Variants in UBR1 observed in about 807,000 individuals in gnomAD.
The protein encoded by UBR1 is ubiquitin protein ligase E3 component n-recognin 1.
Under a neutral mutation model 242.1 loss-of-function variants are expected in UBR1, and 102 were observed. The observed-to-expected ratio is 0.42, with a 90% CI of 0.36 to 0.50. UBR1 has a LOEUF of 0.50. UBR1 is among the 20% of genes least tolerant of loss of function. UBR1 has a pLI of 0.01. For synonymous variants in UBR1, 675 were observed against 684.8 expected (o/e 0.99, Z 0.22); for missense variants, 1,772 against 2,101.8 (o/e 0.84, Z 3.07).
At chr15:43,035,526 A>G (rs1311093017) in intron 19 of UBR1, among the ~76,000 whole-genome samples, 2 of 150,704 alleles carry the variant, frequency 1.3e-5, no homozygotes, top group Admixed American at 6.6e-5. Context: ...TCTGGATATT[A>G]GCCCTTTGTC....
In UBR1 at chr15:43,036,577, T is replaced by G. The variant is rs377090547; in HGVS notation, c.2039A>C (p.Asp680Ala). ...SLISQVFYYQDVKCREEMYDK... is the reference protein window; with the variant it reads ...SLISQVFYYQAVKCREEMYDK... ...ATACATTTCTTCTCTGCACTTAACA[T>G]CTTGGTAATAAAACACCTATAAGGT... The change falls in exon 18 of 47, where the codon GAT becomes GCT. Residue 680 changes from aspartate to alanine, a missense_variant. This residue lies in a region of UBR1 where 734 missense variants were observed against 893.3 expected (regional missense o/e 0.82). Coordinates refer to ENST00000290650, the MANE Select transcript of UBR1 (RefSeq NM_174916.3). The G allele has an allele frequency of 2.0e-5, 32 of 1,591,522 alleles. No individual in the cohort carries two copies. The highest frequency in any genetic ancestry group is 2.8e-5 in the Non-Finnish European group (32 of 1,159,872).
chr15:42,990,667 G>A (rs1027118715), intron 33 of UBR1, among the ~76,000 whole-genome samples: 4 of 152,090 alleles, frequency 2.6e-5, no homozygotes, highest in African/African-American at 9.7e-5. Context: ...CCTGCATCTT[G>A]CCTTTGCACC....
chr15:43,017,670 C>T (rs1377358917), intron 27 of UBR1, among the ~76,000 whole-genome samples: 3 of 151,634 alleles, frequency 2.0e-5, no homozygotes, highest in South Asian at 2.1e-4. Context: ...ATTAGCTGGG[C>T]GTGGTGACCC....
At chr15:42,974,037 C>T (rs1047242233) in intron 39 of UBR1, among the ~76,000 whole-genome samples, 16 of 151,660 alleles carry the variant, frequency 1.1e-4, no homozygotes, top group African/African-American at 2.9e-4. Flanking sequence ...TACAGGCACC[C>T]GCCACCACGC....
chr15:43,067,015 G>T (rs2033761328), intron 6 of UBR1, among the ~76,000 whole-genome samples: 1 of 152,148 alleles, frequency 6.6e-6, no homozygotes, highest in African/African-American at 2.4e-5. Context: ...TACTCAGAAT[G>T]GGTTACTGGT....
intron 3 of UBR1, among the ~76,000 whole-genome samples, chr15:43,076,126 C>T (rs1278756314): frequency 6.6e-6 from 1 of 150,830 alleles, no homozygotes; most frequent in Non-Finnish European, 1.5e-5. Flanking sequence ...AGGCGCGCGC[C>T]GCCACGCCTG....
intron 23 of UBR1, 160 bp from the exon 24 acceptor site, chr15:43,025,589 A>G: frequency 1.6e-6 from 1 of 620,418 alleles, no homozygotes; most frequent in East Asian, 2.8e-5. Context: ...ATTGTGTTCT[A>G]GAGAAACCTA....
rs186783980 is a variant in UBR1 at position 42,984,327 on chromosome 15, G to A, written c.4054-334C>T. On this transcript the variant is annotated intron_variant, in intron 36 of 46. Transcript: ENST00000290650. ...GTGCCAGCTGTCAGAAAAATAAGAG[G>A]GAAATGGCAGGGAAGGAATGGCAAC... Among the ~76,000 whole-genome samples, 3 of 152,246 alleles carry A rather than the reference G, an allele frequency of 2.0e-5. No homozygotes were observed. In the East Asian group the frequency reaches 5.8e-4, roughly 29 times the overall value.
chr15:42,990,730 T>C (rs923617592), intron 33 of UBR1, among the ~76,000 whole-genome samples: 1 of 152,220 alleles, frequency 6.6e-6, no homozygotes, highest in Non-Finnish European at 1.5e-5. Flanking sequence ...TATTTTGCCA[T>C]GTTTAATGAC....
At chr15:43,020,065 A>G (rs1006413934) in intron 27 of UBR1, among the ~76,000 whole-genome samples, 107 of 150,474 alleles carry the variant, frequency 7.1e-4, no homozygotes, top group African/African-American at 2.6e-3. Flanking sequence ...TCTGAGACAG[A>G]CTCTTGTTCT....
intron 40 of UBR1, among the ~76,000 whole-genome samples, chr15:42,970,147 T>C (rs962299447): frequency 6.6e-6 from 1 of 152,070 alleles, no homozygotes; most frequent in African/African-American, 2.4e-5. Context: ...AAAACAGATA[T>C]ATAGACCAAT....
At chr15:42,973,297 T>C (rs1037247717) in intron 39 of UBR1, among the ~76,000 whole-genome samples, 2 of 152,144 alleles carry the variant, frequency 1.3e-5, no homozygotes, top group African/African-American at 4.8e-5. Flanking sequence ...TGCACCTGGC[T>C]CATTGCCCCG....
chr15:42,943,150 C>T lies in UBR1; in HGVS notation c.*2179G>A, dbSNP rs1426229416. 1.3e-5 allele frequency: 2 copies of T among 152,514 alleles called. No homozygotes were observed. Among genetic ancestry groups the T allele is most frequent in the African/African-American group, 4.8e-5 (2 of 41,402 alleles). 9.4% of individuals were successfully genotyped at this position (152,514 alleles called of 1,614,324 possible). On this transcript the variant is annotated 3_prime_UTR_variant, in exon 47 of 47. Transcript: ENST00000290650. ...CTAAAAGGTGAACTCACAGCCCATA[C>T]ACCAATATAATAAATTAATTATACA...
intron 3 of UBR1, among the ~76,000 whole-genome samples, chr15:43,077,570 T>C (rs1237556834): frequency 6.7e-6 from 1 of 150,168 alleles, no homozygotes; most frequent in Non-Finnish European, 1.5e-5. Flanking sequence ...CTTGTTTATC[T>C]GCTGACCTTC....
Position 43,024,684 on chromosome 15 carries a change from T to C in UBR1, c.2739+145A>G, listed in dbSNP as rs534353009. The C allele has an allele frequency of 4.8e-5, 53 of 1,107,312 alleles. No homozygotes were observed. In the East Asian group the frequency reaches 1.1e-3, roughly 22 times the overall value. The allele number at this position is 1,107,312 out of a possible 1,614,324, so 68.6% of individuals were successfully genotyped here. A position where few individuals can be genotyped will look rare whatever the true frequency, so the allele number is the denominator to read the frequency against. On this transcript the variant is annotated intron_variant, in intron 25 of 46. Transcript: ENST00000290650. ...AAAACACGAGATCACTAAAAAAAATTTGTGCTGTGTGTAAGCTATTTTTAA... is the reference window on the plus strand; with the variant it reads ...AAAACACGAGATCACTAAAAAAAATCTGTGCTGTGTGTAAGCTATTTTTAA...
intron 21 of UBR1, among the ~76,000 whole-genome samples, chr15:43,028,636 T>G (rs1596108595): frequency 6.6e-6 from 1 of 150,876 alleles, no homozygotes; most frequent in African/African-American, 2.4e-5. Context: ...TCCTAGCTAC[T>G]CAGGAGGCTG....
At chr15:43,076,752 C>T (rs1402753824) in intron 3 of UBR1, among the ~76,000 whole-genome samples, 2 of 144,168 alleles carry the variant, frequency 1.4e-5, no homozygotes, top group East Asian at 2.1e-4. Flanking sequence ...GCCTGGCAGC[C>T]ACCGCGTCCG....
At chr15:43,063,881 C>A (rs1358540348) in intron 6 of UBR1, among the ~76,000 whole-genome samples, 3 of 152,150 alleles carry the variant, frequency 2.0e-5, no homozygotes, top group East Asian at 3.9e-4. Flanking sequence ...GGTTTACAGG[C>A]ATGCACCACC....
intron 6 of UBR1, among the ~76,000 whole-genome samples, chr15:43,061,620 A>G (rs1596125147): frequency 6.6e-6 from 1 of 152,118 alleles, no homozygotes; most frequent in African/African-American, 2.4e-5. Context: ...CTGGAATACT[A>G]CTCAGCCATA....
Sources: allele counts gnomAD v4.1 joint callset (sites outside exome capture counted in the v4.1 genomes callset), GRCh38; gene constraint gnomAD v4.1.1; regional missense constraint gnomAD v4.1.1; transcripts MANE v1.5; gene names NCBI Gene and HGNC (gene_info 2026-07-23, HGNC 2026-07-21).